Variants in MAN1C1 observed in about 807,000 individuals in gnomAD.
The protein encoded by MAN1C1 is mannosyl-oligosaccharide 1,2-alpha-mannosidase IC.
MAN1C1 carries 49 observed loss-of-function variants against 71.5 expected under a neutral mutation model. The ratio of observed to expected loss-of-function variants is 0.69; its 90% CI spans 0.54 to 0.87. MAN1C1 has a LOEUF of 0.87. MAN1C1 is among the 40% of genes least tolerant of loss of function. MAN1C1 has a pLI of 0.00. For missense variants in MAN1C1, 743 were observed against 835.0 expected (o/e 0.89, Z 1.36); for synonymous variants, 352 against 343.7 (o/e 1.02, Z -0.27).
At chr1:25,666,133 A>C (rs567124339) in intron 1 of MAN1C1, among the ~76,000 whole-genome samples, 2 of 152,264 alleles carry the variant, frequency 1.3e-5, no homozygotes, top group Admixed American at 1.3e-4. Context: ...TTGCATTTTA[A>C]AATTTTACTG....
chr1:25,635,140 C>T (rs1014334912), intron 1 of MAN1C1, among the ~76,000 whole-genome samples: 2 of 152,048 alleles, frequency 1.3e-5, no homozygotes, highest in African/African-American at 4.8e-5. Flanking sequence ...ACGAGGACTA[C>T]AGATGTGTGC....
intron 1 of MAN1C1, among the ~76,000 whole-genome samples, chr1:25,671,798 G>C (rs1335863772): frequency 6.6e-6 from 1 of 152,228 alleles, no homozygotes; most frequent in Non-Finnish European, 1.5e-5. Flanking sequence ...TCAGGGGTCT[G>C]AAACAGGTCT....
chr1:25,783,526 C>T (rs1252782660), intron 11 of MAN1C1, 137 bp from the exon 12 acceptor site: 2 of 909,416 alleles, frequency 2.2e-6, no homozygotes, highest in Admixed American at 2.1e-5. Flanking sequence ...CTGCTGCCCA[C>T]AGTTTTGGGG....
At chr1:25,679,226 C>G (rs1234173649) in intron 1 of MAN1C1, among the ~76,000 whole-genome samples, 1 of 152,134 alleles carries the variant, frequency 6.6e-6, no homozygotes, top group Non-Finnish European at 1.5e-5. Context: ...TCAGAACCAC[C>G]AAAGGAGCCT....
At chr1:25,621,643 A>G (rs1363136609) in intron 1 of MAN1C1, among the ~76,000 whole-genome samples, 1 of 151,306 alleles carries the variant, frequency 6.6e-6, no homozygotes, top group Non-Finnish European at 1.5e-5. Context: ...TTTTTTTTTA[A>G]GACGGAGTCT....
Position 25,618,146 on chromosome 1 carries a change from C to T in MAN1C1, c.349C>T (p.Pro117Ser), listed in dbSNP as rs2045139341. ...GGLRRTRPTG[P>S]REEATAARGN... Reference sequence around the variant, plus strand: ...GCTGCGGCGCACCCGCCCCACTGGACCCCGCGAGGAGGCCACGGCGGCCCG... The same window carrying T: ...GCTGCGGCGCACCCGCCCCACTGGATCCCGCGAGGAGGCCACGGCGGCCCG... The change falls in exon 1 of 12, where the codon CCC (proline) becomes TCC (serine). Residue 117 changes from proline to serine, a missense_variant. Coordinates refer to ENST00000374332, the MANE Select transcript of MAN1C1 (RefSeq NM_020379.4). The T allele has an allele frequency of 9.1e-6, 14 of 1,536,510 alleles. No individual in the cohort carries two copies. The highest frequency in any genetic ancestry group is 1.2e-5 in the Non-Finnish European group (14 of 1,148,040).
At chr1:25,674,972 G>A (rs1236731429) in intron 1 of MAN1C1, among the ~76,000 whole-genome samples, 1 of 152,168 alleles carries the variant, frequency 6.6e-6, no homozygotes, top group Admixed American at 6.5e-5. Context: ...GTTTGGATTA[G>A]GGTGGTGCTC....
chr1:25,663,154 G>GTA (rs1227759538), intron 1 of MAN1C1, among the ~76,000 whole-genome samples: 1 of 147,248 alleles, frequency 6.8e-6, no homozygotes, highest in Non-Finnish European at 1.5e-5. Flanking sequence ...TTAAATACAT[G>GTA]TATATATATT....
In MAN1C1 at chr1:25,776,648, C is replaced by T. The variant is rs2047622762; in HGVS notation, c.1258-1457C>T. 6.6e-6 allele frequency among the ~76,000 whole-genome samples: 1 copy of T among 151,238 alleles called. No individual in the cohort carries two copies. Among genetic ancestry groups the T allele is most frequent in the Non-Finnish European group, 1.5e-5 (1 of 68,040 alleles). ...TCCCTGAGGCAGAGTCCAGGCTCCT[C>T]TCCAGCACACCTGTAGCCCCAGTAC... On this transcript the variant is annotated intron_variant, in intron 8 of 11. Coordinates refer to ENST00000374332, the MANE Select transcript of MAN1C1 (RefSeq NM_020379.4). This position sits in a 1 kb window ranked among gnomAD's most constrained non-coding sequence, Gnocchi z 4.3.
At chr1:25,638,200 A>G (rs1264484313) in intron 1 of MAN1C1, among the ~76,000 whole-genome samples, 1 of 152,158 alleles carries the variant, frequency 6.6e-6, no homozygotes, top group Non-Finnish European at 1.5e-5. Flanking sequence ...ACAGAGAAAC[A>G]TACTTTAAGT....
chr1:25,649,187 C>T (rs1003713942), intron 1 of MAN1C1, among the ~76,000 whole-genome samples: 2 of 152,230 alleles, frequency 1.3e-5, no homozygotes, highest in Non-Finnish European at 2.9e-5. Flanking sequence ...GCACTTGCCA[C>T]GCATGAGTAC....
intron 2 of MAN1C1, among the ~76,000 whole-genome samples, chr1:25,689,728 T>C (rs185307794): frequency 0.019 from 2,864 of 152,290 alleles, 29 homozygotes; most frequent in Non-Finnish European, 0.026. Context: ...ACATTTAATG[T>C]CCTCCCTATA....
chr1:25,764,045 G>A lies in MAN1C1; in HGVS notation c.1141+78G>A. The A allele has an allele frequency of 8.3e-7, 1 of 1,210,386 alleles. No homozygotes were observed. Among genetic ancestry groups the A allele is most frequent in the East Asian group, 2.3e-5 (1 of 42,726 alleles). The allele number at this position is 1,210,386 out of a possible 1,614,324, so 75.0% of individuals were successfully genotyped here. ...CCTAGGAAGACCCTGCCAGGCCCCT[G>A]GGCTGAGTGAGGATGTGTCTGTCAG... On this transcript the variant is annotated intron_variant, in intron 7 of 11. Transcript: ENST00000374332. The surrounding 1 kb of genome is among the most constrained non-coding windows in gnomAD (Gnocchi z 4.4).
In MAN1C1 at chr1:25,753,470, C is replaced by T; in HGVS notation, c.835-14C>T. ...AGCCTGGAGTCAAAAGCCCTTTGAT[C>T]CCCTCCTTTACAGGTGTTCCGAATA... On this transcript the variant is annotated splice_polypyrimidine_tract_variant and intron_variant, in intron 4 of 11. Transcript: ENST00000374332. This position sits in a 1 kb window ranked among gnomAD's most constrained non-coding sequence, Gnocchi z 4.9. 3 of 1,603,544 alleles carry T rather than the reference C, an allele frequency of 1.9e-6. No individual in the cohort carries two copies. Among genetic ancestry groups the T allele is most frequent in the Middle Eastern group, 1.7e-4 (1 of 6,026 alleles).
intron 2 of MAN1C1, among the ~76,000 whole-genome samples, chr1:25,703,087 T>A (rs1265586426): frequency 3.3e-5 from 5 of 152,232 alleles, no homozygotes; most frequent in Non-Finnish European, 7.3e-5. Flanking sequence ...GCATTAAAAA[T>A]AGCATCTCTG....
intron 6 of MAN1C1, chr1:25,758,938 G>A (rs1266307154): frequency 6.0e-5 from 31 of 520,984 alleles, no homozygotes; most frequent in East Asian, 4.5e-4. Flanking sequence ...AGAGGGAAAA[G>A]GAGAGACAAG....
chr1:25,719,111 C>T (rs1043944191), intron 2 of MAN1C1, among the ~76,000 whole-genome samples: 6 of 148,170 alleles, frequency 4.0e-5, no homozygotes, highest in African/African-American at 1.5e-4. Context: ...TTGCTCTTGT[C>T]GCCCAGGCTG....
chr1:25,696,639 T>G (rs2046373586), intron 2 of MAN1C1, among the ~76,000 whole-genome samples: 1 of 152,016 alleles, frequency 6.6e-6, no homozygotes, highest in South Asian at 2.1e-4. Context: ...CTTTTTTTAC[T>G]TTTCTTTTCC....
chr1:25,645,417 G>A (rs2045599148), intron 1 of MAN1C1: 1 of 152,246 alleles, frequency 6.6e-6, no homozygotes, highest in East Asian at 1.9e-4. Context: ...GCCCAGAGTG[G>A]TTCCTCCATC....
Sources: allele counts gnomAD v4.1 joint callset (sites outside exome capture counted in the v4.1 genomes callset), GRCh38; gene constraint gnomAD v4.1.1; non-coding constraint Gnocchi (gnomAD v3.1); transcripts MANE v1.5; gene names NCBI Gene and HGNC (gene_info 2026-07-23, HGNC 2026-07-21).